The following ANO2 variants were observed in gnomAD, a reference collection of about 807,000 sequenced individuals.
The protein encoded by ANO2 is anoctamin 2.
Under a neutral mutation model 124.2 loss-of-function variants are expected in ANO2, and 101 were observed. The observed-to-expected ratio is 0.81, with a 90% CI of 0.69 to 0.96. The LOEUF is 0.96. Ranked by LOEUF, ANO2 falls within the 40% of genes least tolerant of loss-of-function variation. The pLI is 0.00. For missense variants in ANO2, 1,293 were observed against 1,274.5 expected, an observed-to-expected ratio of 1.01 and a Z score of -0.22; for synonymous variants, 486 against 482.5, an observed-to-expected ratio of 1.01 and a Z score of -0.09.
chr12:5,593,606 G>A (rs1016029238), intron 20 of ANO2, among the ~76,000 whole-genome samples: 19 of 152,212 alleles, frequency 1.2e-4, no homozygotes, highest in African/African-American at 4.6e-4. Context: ...ACTGTTTTGA[G>A]TCAAAAACTT....
intron 14 of ANO2, among the ~76,000 whole-genome samples, chr12:5,707,695 C>G (rs561764992): frequency 6.6e-6 from 1 of 152,320 alleles, no homozygotes; most frequent in East Asian, 1.9e-4. Context: ...AACATACCTT[C>G]CGAGTTTATC....
intron 10 of ANO2, among the ~76,000 whole-genome samples, chr12:5,761,058 CAAAA>C (rs34278479): frequency 1.0e-3 from 125 of 120,936 alleles, no homozygotes; most frequent in Middle Eastern, 4.6e-3. Flanking sequence ...ACCCCCACAG[CAAAA>C]AAAAAAAAAA....
intron 3 of ANO2, among the ~76,000 whole-genome samples, chr12:5,902,894 A>C (rs1336923119): frequency 2.7e-5 from 1 of 37,684 alleles, no homozygotes; most frequent in Non-Finnish European, 4.6e-5. Flanking sequence ...AGGGGAGGGG[A>C]GGGGAGGGGA....
intron 19 of ANO2, among the ~76,000 whole-genome samples, chr12:5,610,484 T>A (rs1302305245): frequency 1.4e-5 from 2 of 138,556 alleles, no homozygotes; most frequent in Admixed American, 7.5e-5. Flanking sequence ...ATAAAATATA[T>A]CTATATTTCA....
chr12:5,625,802 T>C (rs1174815725), intron 16 of ANO2, among the ~76,000 whole-genome samples: 4 of 152,166 alleles, frequency 2.6e-5, no homozygotes, highest in Admixed American at 6.5e-5. Context: ...TACAATATGA[T>C]TCACGAGGCT....
chr12:5,866,389 C>A (rs1266775154), intron 3 of ANO2, among the ~76,000 whole-genome samples: 1 of 152,158 alleles, frequency 6.6e-6, no homozygotes, highest in Admixed American at 6.5e-5. Context: ...CAAGCCTCAC[C>A]AGATCTGCTT....
chr12:5,797,131 G>A (rs1322541580), intron 10 of ANO2, among the ~76,000 whole-genome samples: 1 of 152,232 alleles, frequency 6.6e-6, no homozygotes, highest in Non-Finnish European at 1.5e-5. Context: ...GGCACACGGA[G>A]GGTGCCATGC....
At chr12:5,719,322 C>G (rs747319824) in intron 14 of ANO2, among the ~76,000 whole-genome samples, 25 of 151,874 alleles carry the variant, frequency 1.6e-4, no homozygotes, top group Admixed American at 1.3e-3. Flanking sequence ...CTCACACACT[C>G]ACAGTTGGAG....
rs1377478795 is a variant in ANO2, at chr12:5,916,491, TTAAAAAA to T, written c.534+4542_534+4548del. 2.9e-4 allele frequency among the ~76,000 whole-genome samples: 28 copies of T among 98,084 alleles called. 1 individual carries two copies. Among genetic ancestry groups the T allele is most frequent in the Admixed American group, 1.0e-4 (1 of 9,664 alleles). 64.3% of individuals were successfully genotyped at this position (98,084 alleles called of 152,430 possible). ...CTCTGAATAGAAAAATCGCAGCAGG[TTAAAAAA>T]AAAAAAAAAAAAAAAGGCAGCAGTA... On this transcript the variant is annotated intron_variant, in intron 3 of 24. Coordinates refer to ENST00000682330, the MANE Select transcript of ANO2 (RefSeq NM_001364791.2).
chr12:5,832,629 G>A, intron 4 of ANO2, 26 bp from the exon 5 acceptor site: 1 of 1,594,370 alleles, frequency 6.3e-7, no homozygotes, highest in Non-Finnish European at 8.5e-7. Flanking sequence ...CCACAGGTCT[G>A]AAAAGGGGGC....
At chr12:5,640,680 A>G (rs976158465) in intron 15 of ANO2, among the ~76,000 whole-genome samples, 19 of 152,224 alleles carry the variant, frequency 1.2e-4, no homozygotes, top group African/African-American at 2.7e-4. Context: ...ATGAGATACC[A>G]TCCCACACCA....
At chr12:5,629,179 C>T (rs1271255817) in intron 16 of ANO2, among the ~76,000 whole-genome samples, 1 of 152,158 alleles carries the variant, frequency 6.6e-6, no homozygotes, top group Non-Finnish European at 1.5e-5. Flanking sequence ...AGTGCACCAC[C>T]CCGTACACCA....
At chr12:5,903,951 C>T (rs1283126375) in intron 3 of ANO2, among the ~76,000 whole-genome samples, 1 of 152,112 alleles carries the variant, frequency 6.6e-6, no homozygotes, top group East Asian at 1.9e-4. Flanking sequence ...AAGCACTCAC[C>T]CTCCGTGAGT....
At chr12:5,739,430 G>C in intron 12 of ANO2, 31 bp from the exon 13 acceptor site, 1 of 1,547,294 alleles carries the variant, frequency 6.5e-7, no homozygotes, top group African/African-American at 1.4e-5. Context: ...CAAAAACCTT[G>C]ATTATTTTTG....
chr12:5,719,847 C>T (rs1288649265), intron 14 of ANO2, among the ~76,000 whole-genome samples: 2 of 152,182 alleles, frequency 1.3e-5, no homozygotes, highest in African/African-American at 2.4e-5. Flanking sequence ...GAGTTGTCCA[C>T]GGTGGTAACC....
At chr12:5,776,048 C>A (rs1459889556) in intron 10 of ANO2, among the ~76,000 whole-genome samples, 1 of 152,146 alleles carries the variant, frequency 6.6e-6, no homozygotes, top group African/African-American at 2.4e-5. Flanking sequence ...TGAAAAAAGT[C>A]CACCCTCTAT....
chr12:5,825,722 A>AC (rs1306511681), intron 7 of ANO2, among the ~76,000 whole-genome samples: 7 of 152,314 alleles, frequency 4.6e-5, no homozygotes, highest in African/African-American at 1.7e-4. Flanking sequence ...AGAGGTAAGG[A>AC]AGAGTGTACA....
At chr12:5,650,619 A>G (rs453285) in intron 14 of ANO2, among the ~76,000 whole-genome samples, 63,548 of 151,762 alleles carry the variant, frequency 0.42, 15,346 homozygotes, top group African/African-American at 0.65. Context: ...AAAACTCTCC[A>G]TTCACGGATA....
intron 20 of ANO2, among the ~76,000 whole-genome samples, chr12:5,585,128 C>T (rs1354276516): frequency 6.6e-6 from 1 of 151,902 alleles, no homozygotes; most frequent in Non-Finnish European, 1.5e-5. Flanking sequence ...CCCATGGAGG[C>T]TTTGCACCAT....
Sources: gnomAD v4.1 joint callset for allele counts (sites outside exome capture counted in the v4.1 genomes callset) on GRCh38, gnomAD v4.1.1 for gene constraint, MANE v1.5 for transcripts, NCBI Gene and HGNC (gene_info 2026-07-23, HGNC 2026-07-21) for gene names.